The following KCNQ5 variants were observed in gnomAD, a reference collection of about 807,000 sequenced individuals.
The protein encoded by KCNQ5 is potassium voltage-gated channel subfamily Q member 5, also known as potassium voltage-gated channel subfamily KQT member 5.
A neutral mutation model predicts 98.2 loss-of-function variants in KCNQ5; 30 were observed. That is an observed-to-expected ratio of 0.31 (90% CI 0.23 to 0.41). KCNQ5 has a LOEUF of 0.41. KCNQ5 is among the 10% of genes least tolerant of loss of function. KCNQ5 has a pLI of 1.00. For missense variants in KCNQ5, 835 were observed against 1,182.5 expected, an observed-to-expected ratio of 0.71 and a Z score of 4.31; for synonymous variants, 458 against 449.4, an observed-to-expected ratio of 1.02 and a Z score of -0.24.
At chr6:72,782,422 T>C (rs1388849116) in intron 1 of KCNQ5, among the ~76,000 whole-genome samples, 3 of 152,220 alleles carry the variant, frequency 2.0e-5, no homozygotes, top group East Asian at 1.9e-4. Context: ...GTAAGTTCTA[T>C]GTGCATGAAG....
intron 1 of KCNQ5, among the ~76,000 whole-genome samples, chr6:72,635,923 G>A (rs1426858295): frequency 6.6e-6 from 1 of 151,718 alleles, no homozygotes; most frequent in Admixed American, 6.6e-5. Context: ...GAAATATAAG[G>A]GGAGAACCCT....
intron 1 of KCNQ5, among the ~76,000 whole-genome samples, chr6:72,970,707 A>G (rs2150283305): frequency 6.6e-6 from 1 of 152,330 alleles, no homozygotes; most frequent in Middle Eastern, 3.4e-3. Flanking sequence ...ATCTACAACT[A>G]TCTGATCTTT....
intron 1 of KCNQ5, among the ~76,000 whole-genome samples, chr6:72,805,129 G>A (rs1320099456): frequency 6.6e-6 from 1 of 152,062 alleles, no homozygotes; most frequent in African/African-American, 2.4e-5. Context: ...TCTTCACTTT[G>A]TTGATTGTTT....
chr6:72,802,742 C>G (rs965690729), intron 1 of KCNQ5, among the ~76,000 whole-genome samples: 3 of 152,098 alleles, frequency 2.0e-5, no homozygotes, highest in Non-Finnish European at 2.9e-5. Flanking sequence ...TGTCTCACCA[C>G]CAGTTGAAAA....
In KCNQ5 at chr6:73,198,187, T is replaced by G. The variant is rs1765865760; in HGVS notation, c.*2773T>G. ...TAGCCATATGCTTTCTGAGTACAAGTGTGTCTGCCTTCTTCAACATGTAGG... is the reference window on the plus strand; with the variant it reads ...TAGCCATATGCTTTCTGAGTACAAGGGTGTCTGCCTTCTTCAACATGTAGG... On this transcript the variant is annotated 3_prime_UTR_variant, in exon 14 of 14. Transcript: ENST00000370398. 1 of 152,206 alleles carries G rather than the reference T, an allele frequency of 6.6e-6. No homozygotes were observed. Among genetic ancestry groups the G allele is most frequent in the African/African-American group, 2.4e-5 (1 of 41,460 alleles). The allele number at this position is 152,206 out of a possible 1,614,324, so 9.4% of individuals were successfully genotyped here. A position where few individuals can be genotyped will look rare whatever the true frequency, so the allele number is the denominator to read the frequency against.
chr6:72,622,585 C>A lies in KCNQ5; in HGVS notation c.396C>A (p.Phe132Leu). The A allele has an allele frequency of 6.2e-7, 1 of 1,612,480 alleles. No homozygotes were observed. Among genetic ancestry groups the A allele is most frequent in the Non-Finnish European group, 8.5e-7 (1 of 1,179,452 alleles). ...GCTGGGCGTTCATCTACCACGCTTT[C>A]GTGTGAGTACCCGCGCCCCCTGCTA... The part of the protein sequence containing the change: ...PRGWAFIYHA[F>L]VFLLVFGCLI... Residue 132 changes from phenylalanine (F) to leucine (L), a missense_variant and splice_region_variant, in exon 1 of 14, where the codon TTC becomes TTA. Phe to Leu is a conservative substitution (Grantham distance 22). Transcript: ENST00000370398. This position sits in a 1 kb window ranked among gnomAD's most constrained non-coding sequence, Gnocchi z 6.0.
intron 1 of KCNQ5, among the ~76,000 whole-genome samples, chr6:72,989,664 G>C (rs1409769812): frequency 5.0e-3 from 1 of 200 alleles, no homozygotes; most frequent in Non-Finnish European, 0.011. Flanking sequence ...AGTTTAATTA[G>C]ATCCCATTTG....
chr6:72,929,749 T>G (rs1233134445), intron 1 of KCNQ5, among the ~76,000 whole-genome samples: 2 of 151,964 alleles, frequency 1.3e-5, no homozygotes, highest in Non-Finnish European at 2.9e-5. Context: ...ACATGAAAAA[T>G]GCTCATTTTA....
intron 1 of KCNQ5, among the ~76,000 whole-genome samples, chr6:72,753,778 G>T (rs1449174667): frequency 6.6e-6 from 1 of 152,054 alleles, no homozygotes; most frequent in Non-Finnish European, 1.5e-5. Flanking sequence ...AAAATGGGTT[G>T]TTTGCTTTTC....
intron 1 of KCNQ5, among the ~76,000 whole-genome samples, chr6:72,869,609 G>A (rs985288692): frequency 2.0e-5 from 3 of 152,104 alleles, no homozygotes; most frequent in Non-Finnish European, 4.4e-5. Flanking sequence ...TTTTGACACA[G>A]CCTTTTTGAT....
chr6:72,873,649 T>A (rs907953980), intron 1 of KCNQ5, among the ~76,000 whole-genome samples: 2 of 152,114 alleles, frequency 1.3e-5, no homozygotes, highest in African/African-American at 2.4e-5. Flanking sequence ...TTCTCCTTAA[T>A]CATGTTAGTG....
intron 10 of KCNQ5, among the ~76,000 whole-genome samples, chr6:73,142,881 A>C (rs187384938): frequency 1.3e-5 from 2 of 152,264 alleles, no homozygotes; most frequent in Non-Finnish European, 1.5e-5. Context: ...GCACCCTTGC[A>C]CTCCAGCCTG....
chr6:73,011,747 A>G (rs1486594393), intron 2 of KCNQ5, among the ~76,000 whole-genome samples: 2 of 152,140 alleles, frequency 1.3e-5, no homozygotes, highest in African/African-American at 4.8e-5. Context: ...TATCTGGACT[A>G]TGTAGAGAAT....
At chr6:72,748,441 A>G (rs1387524484) in intron 1 of KCNQ5, among the ~76,000 whole-genome samples, 1 of 152,142 alleles carries the variant, frequency 6.6e-6, no homozygotes, top group Non-Finnish European at 1.5e-5. Context: ...CCCAGACTTA[A>G]TGAATCAGAA....
rs1779651465 is a variant in KCNQ5 at position 72,905,123 on chromosome 6, C to A, written c.399-98785C>A. Among the ~76,000 whole-genome samples, 4 of 152,316 alleles carry A rather than the reference C, an allele frequency of 2.6e-5. No individual in the cohort carries two copies. In the South Asian group the frequency reaches 8.3e-4, roughly 32 times the overall value. Reference sequence around the variant, plus strand: ...GATTGGGTTAATTCAAACGCCTTATCTTCAAGCTCTGAATTTCTTTATTCT... The same window carrying A: ...GATTGGGTTAATTCAAACGCCTTATATTCAAGCTCTGAATTTCTTTATTCT... On this transcript the variant is annotated intron_variant, in intron 1 of 13. Coordinates refer to ENST00000370398, the MANE Select transcript of KCNQ5 (RefSeq NM_019842.4).
At chr6:72,801,919 G>C (rs1482713439) in intron 1 of KCNQ5, among the ~76,000 whole-genome samples, 1 of 152,002 alleles carries the variant, frequency 6.6e-6, no homozygotes, top group East Asian at 1.9e-4. Context: ...ATTCTGGGTT[G>C]GAAATTCTTT....
rs540331966 is a variant in KCNQ5, at chr6:72,757,400, T to C, written c.398+134813T>C. ...ATGATGGGGTTATGTCCAGATAAAG[T>C]CATTGTAAGTTGAAAATATCATTAA... On this transcript the variant is annotated intron_variant, in intron 1 of 13. Coordinates refer to ENST00000370398, the MANE Select transcript of KCNQ5 (RefSeq NM_019842.4). Among the ~76,000 whole-genome samples the C allele has an allele frequency of 9.9e-4, 151 of 152,274 alleles. 1 individual carries two copies. Among genetic ancestry groups the C allele is most frequent in the South Asian group, 2.9e-3 (14 of 4,832 alleles).
intron 1 of KCNQ5, among the ~76,000 whole-genome samples, chr6:72,804,885 A>G (rs1774871509): frequency 2.0e-5 from 3 of 152,074 alleles, no homozygotes; most frequent in Admixed American, 2.0e-4. Flanking sequence ...ATATCTCATT[A>G]TAGTTTTGAT....
chr6:73,155,730 A>G (rs1372515038), intron 10 of KCNQ5, among the ~76,000 whole-genome samples: 1 of 152,176 alleles, frequency 6.6e-6, no homozygotes, highest in Non-Finnish European at 1.5e-5. Context: ...TGTTAAAACC[A>G]CAGGTGAATT....
Sources: gnomAD v4.1 joint callset for allele counts (sites outside exome capture counted in the v4.1 genomes callset) on GRCh38, gnomAD v4.1.1 for gene constraint, Gnocchi (gnomAD v3.1) non-coding constraint, MANE v1.5 for transcripts, NCBI Gene and HGNC (gene_info 2026-07-23, HGNC 2026-07-21) for gene names.